NALCN: variants seen among roughly 807,000 people sequenced by gnomAD.
NALCN encodes sodium leak channel NALCN.
Under a neutral mutation model 225.3 loss-of-function variants are expected in NALCN, and 111 were observed. The ratio of observed to expected loss-of-function variants is 0.49; its 90% CI spans 0.42 to 0.58. NALCN has a LOEUF of 0.58. Among genes scored for constraint, NALCN ranks in the 20% least tolerant of loss-of-function variants. NALCN has a pLI of 0.00. For synonymous variants in NALCN, 764 were observed against 769.0 expected (o/e 0.99, Z 0.11); for missense variants, 1,378 against 2,202.4 (o/e 0.63, Z 7.49).
intron 13 of NALCN, among the ~76,000 whole-genome samples, chr13:101,198,008 G>A (rs2039959205): frequency 6.6e-6 from 1 of 152,170 alleles, no homozygotes; most frequent in Non-Finnish European, 1.5e-5. Context: ...TGAAAATAAT[G>A]AGCTGAGTTC....
intron 2 of NALCN, among the ~76,000 whole-genome samples, chr13:101,396,564 G>T (rs551498044): frequency 7.2e-4 from 110 of 152,188 alleles, no homozygotes; most frequent in African/African-American, 2.5e-3. Context: ...TTATCTGACA[G>T]TTATAATATT....
intron 7 of NALCN, among the ~76,000 whole-genome samples, chr13:101,299,317 G>A (rs1184863234): frequency 5.3e-5 from 8 of 152,140 alleles, no homozygotes; most frequent in East Asian, 1.9e-4. Context: ...AATTAAAATC[G>A]AAAATAAATT....
intron 17 of NALCN, among the ~76,000 whole-genome samples, chr13:101,141,515 AATC>A (rs957847400): frequency 6.6e-6 from 1 of 152,184 alleles, no homozygotes; most frequent in African/African-American, 2.4e-5. Flanking sequence ...CTGCAAAGAA[AATC>A]ATCATCATTT....
chr13:101,399,171 A>T lies in NALCN; in HGVS notation c.-39-6T>A. 1 of 1,607,308 alleles carries T rather than the reference A, an allele frequency of 6.2e-7. No individual in the cohort carries two copies. ...AGCAAGCACAAAACCACAGTCTGGG[A>T]AAAGGAAAAGTTGTATTTGTCATCT... is the stretch of plus-strand genomic sequence containing the variant. On this transcript the variant is annotated splice_region_variant and splice_polypyrimidine_tract_variant and intron_variant, in intron 1 of 43. Coordinates refer to ENST00000251127, the MANE Select transcript of NALCN (RefSeq NM_052867.4).
At chr13:101,286,383 C>T (rs745435905) in intron 9 of NALCN, among the ~76,000 whole-genome samples, 1 of 152,064 alleles carries the variant, frequency 6.6e-6, no homozygotes, top group Non-Finnish European at 1.5e-5. Context: ...AAGCAGAAAC[C>T]CTCTTTTCCT....
intron 37 of NALCN, 104 bp downstream of exon 37, chr13:101,073,480 A>T: frequency 1.2e-6 from 1 of 860,102 alleles, no homozygotes; most frequent in South Asian, 2.0e-5. Context: ...TATATTTCAT[A>T]CATAAAGTCT....
At chr13:101,163,318 G>A (rs2038279674) in intron 15 of NALCN, among the ~76,000 whole-genome samples, 1 of 152,160 alleles carries the variant, frequency 6.6e-6, no homozygotes, top group South Asian at 2.1e-4. Context: ...ACCCACCATT[G>A]TAGACTCGAG....
chr13:101,192,751 C>G (rs1402984718), intron 13 of NALCN, among the ~76,000 whole-genome samples: 2 of 152,154 alleles, frequency 1.3e-5, no homozygotes, highest in Admixed American at 1.3e-4. Context: ...ACACTTTCTG[C>G]CAATATCTTT....
chr13:101,177,359 C>T (rs2038998395), intron 14 of NALCN, among the ~76,000 whole-genome samples: 1 of 149,012 alleles, frequency 6.7e-6, no homozygotes, highest in African/African-American at 2.4e-5. Flanking sequence ...ATACCTAATA[C>T]ACTGGTGAAT....
At chr13:101,063,726 C>T (rs1046876137) in intron 40 of NALCN, among the ~76,000 whole-genome samples, 2 of 146,330 alleles carry the variant, frequency 1.4e-5, no homozygotes, top group African/African-American at 2.5e-5. Flanking sequence ...TGATCTGATC[C>T]TTTTTTTTTT....
upstream of NALCN, among the ~76,000 whole-genome samples, chr13:101,416,877 C>A (rs1222258854): frequency 6.6e-6 from 1 of 152,090 alleles, no homozygotes; most frequent in East Asian, 1.9e-4. Context: ...GCCCAGCGTG[C>A]GAGCGTGAGG....
At position 101,331,564 on chromosome 13, in the gene NALCN, T is replaced by C. The variant is rs555464140; in HGVS notation, c.799+13702A>G. Among the ~76,000 whole-genome samples, 3 of 152,086 alleles carry C rather than the reference T, an allele frequency of 2.0e-5. No individual in the cohort carries two copies. In the South Asian group the frequency reaches 6.2e-4, roughly 32 times the overall value. On this transcript the variant is annotated intron_variant, in intron 7 of 43. Coordinates refer to ENST00000251127, the MANE Select transcript of NALCN (RefSeq NM_052867.4). ...CAAGGATCAAGAGTGTAACCCAGGG[T>C]CCCTGGGTTTTTGGGTACACACTGT...
chr13:101,277,698 T>C (rs762019501), intron 10 of NALCN, among the ~76,000 whole-genome samples: 16 of 152,266 alleles, frequency 1.1e-4, no homozygotes, highest in Non-Finnish European at 2.2e-4. Context: ...TATACATTTA[T>C]ATATTTATGA....
At chr13:101,115,603 T>C (rs1242768043) in intron 18 of NALCN, among the ~76,000 whole-genome samples, 2 of 152,202 alleles carry the variant, frequency 1.3e-5, no homozygotes, top group African/African-American at 4.8e-5. Flanking sequence ...TCCATTTTGT[T>C]ATATTTTGCC....
At chr13:101,093,200 G>A (rs2034325038) in intron 28 of NALCN, among the ~76,000 whole-genome samples, 1 of 152,182 alleles carries the variant, frequency 6.6e-6, no homozygotes, top group Non-Finnish European at 1.5e-5. Context: ...AAGTCTGAGT[G>A]ATTCAGAAGA....
At chr13:101,293,417 C>T (rs1447031743) in intron 7 of NALCN, among the ~76,000 whole-genome samples, 1 of 152,160 alleles carries the variant, frequency 6.6e-6, no homozygotes, top group African/African-American at 2.4e-5. Flanking sequence ...AACACACACA[C>T]ATATACCATT....
intron 10 of NALCN, among the ~76,000 whole-genome samples, chr13:101,269,895 A>G (rs1459976270): frequency 6.6e-6 from 1 of 152,250 alleles, no homozygotes; most frequent in Non-Finnish European, 1.5e-5. Context: ...TGGCTTTTCA[A>G]CGGTGAAGTG....
In NALCN at chr13:101,178,483, A is replaced by G. The variant is rs201503105; in HGVS notation, c.1765-2109T>C. Among the ~76,000 whole-genome samples, 4 of 152,262 alleles carry G rather than the reference A, an allele frequency of 2.6e-5. No individual in the cohort carries two copies. The East Asian group carries it at 7.7e-4, about 29-fold the overall frequency. On this transcript the variant is annotated intron_variant, in intron 14 of 43. Transcript: ENST00000251127. ...TATAAATACTTTTAAGAGCCAAATA[A>G]GCTTCTCACCAGTTCTACAACCTAA...
intron 15 of NALCN, among the ~76,000 whole-genome samples, chr13:101,167,544 A>T (rs532461040): frequency 6.6e-6 from 1 of 152,264 alleles, no homozygotes; most frequent in South Asian, 2.1e-4. Context: ...TAAAATCAGA[A>T]AATTGTAAGT....
Sources: gnomAD v4.1 joint callset for allele counts (sites outside exome capture counted in the v4.1 genomes callset) on GRCh38, gnomAD v4.1.1 for gene constraint, MANE v1.5 for transcripts, NCBI Gene and HGNC (gene_info 2026-07-23, HGNC 2026-07-21) for gene names.